SRD5A2: variants seen among roughly 807,000 people sequenced by gnomAD.
SRD5A2 encodes steroid 5 alpha-reductase 2.
A neutral mutation model predicts 27.4 loss-of-function variants in SRD5A2; 30 were observed. The ratio of observed to expected loss-of-function variants is 1.10; its 90% confidence interval spans 0.82 to 1.49. The LOEUF is 1.49. Ranked by LOEUF, SRD5A2 falls within the 40% of genes most tolerant of loss-of-function variation. The pLI, the probability that SRD5A2 is intolerant of heterozygous loss-of-function variation, is 0.00. For missense variants in SRD5A2, 348 were observed against 323.4 expected (o/e 1.08, Z -0.58); for synonymous variants, 141 against 133.6 (o/e 1.06, Z -0.38).
the SRD5A2 span, among the ~76,000 whole-genome samples, chr2:31,633,232 G>A: frequency 4.6e-5 from 7 of 152,244 alleles, no homozygotes; most frequent in East Asian, 7.7e-4. Context: ...TCCTCCCCTC[G>A]GGATGGCTAG....
chr2:31,635,256 G>A, the SRD5A2 span, among the ~76,000 whole-genome samples: 2 of 151,928 alleles, frequency 1.3e-5, no homozygotes, highest in South Asian at 2.1e-4. Context: ...ATGACTTAAC[G>A]TCACATTGTG....
intron 1 of SRD5A2, among the ~76,000 whole-genome samples, chr2:31,551,319 A>T (rs868204048): frequency 4.2e-4 from 64 of 152,268 alleles, no homozygotes; most frequent in African/African-American, 1.4e-3. Flanking sequence ...AGAAATTTTT[A>T]AAAAATATAG....
At chr2:31,548,943 G>C (rs571682904) in intron 1 of SRD5A2, among the ~76,000 whole-genome samples, 4 of 151,910 alleles carry the variant, frequency 2.6e-5, no homozygotes, top group Non-Finnish European at 5.9e-5. Flanking sequence ...TGAACCCTGA[G>C]AGCAATGTGC....
the SRD5A2 span, among the ~76,000 whole-genome samples, chr2:31,611,188 C>T: frequency 2.0e-5 from 3 of 152,172 alleles, no homozygotes; most frequent in African/African-American, 7.2e-5. Flanking sequence ...ATGATTTTAG[C>T]CCCCAGCCTT....
chr2:31,526,146 C>G lies in SRD5A2; in HGVS notation c.*50G>C, dbSNP rs780074742. On this transcript the variant is annotated 3_prime_UTR_variant, in exon 5 of 5. Coordinates refer to ENST00000622030, the MANE Select transcript of SRD5A2 (RefSeq NM_000348.4). ...GAAAATTACAGTTTCAGCAGCTTGA[C>G]AGTTTTCATCAGCATTGTGGGAGCT... is the stretch of plus-strand genomic sequence containing the variant. The G allele has an allele frequency of 4.3e-6, 5 of 1,170,924 alleles. 1 individual carries two copies. In the African/African-American group the frequency reaches 8.4e-5, roughly 20 times the overall value. The allele number at this position is 1,170,924 out of a possible 1,614,324, so 72.5% of individuals were successfully genotyped here.
chr2:31,568,551 T>C (rs765769783), intron 1 of SRD5A2, among the ~76,000 whole-genome samples: 1 of 152,062 alleles, frequency 6.6e-6, no homozygotes, highest in African/African-American at 2.4e-5. Flanking sequence ...TGGGCCACCA[T>C]GAGCAGGTTC....
the SRD5A2 span, among the ~76,000 whole-genome samples, chr2:31,616,412 G>T: frequency 2.0e-5 from 3 of 152,216 alleles, no homozygotes; most frequent in Non-Finnish European, 4.4e-5. Context: ...AAAGCAGCCA[G>T]GAGGAGAGGT....
the SRD5A2 span, among the ~76,000 whole-genome samples, chr2:31,597,735 A>G: frequency 1.3e-5 from 2 of 152,210 alleles, no homozygotes; most frequent in East Asian, 3.8e-4. Flanking sequence ...GGAAATGCAA[A>G]TCAAAACCAC....
chr2:31,611,443 A>G, the SRD5A2 span, among the ~76,000 whole-genome samples: 1 of 152,202 alleles, frequency 6.6e-6, no homozygotes, highest in Non-Finnish European at 1.5e-5. Context: ...TACAATACAA[A>G]TATCTTACAA....
chr2:31,578,816 A>T (rs1667012836), intron 1 of SRD5A2, among the ~76,000 whole-genome samples: 1 of 152,166 alleles, frequency 6.6e-6, no homozygotes, highest in South Asian at 2.1e-4. Context: ...GTCATAATGT[A>T]TTGTGCAAAG....
At chr2:31,530,469 T>C (rs1455594930) in intron 3 of SRD5A2, among the ~76,000 whole-genome samples, 1 of 152,226 alleles carries the variant, frequency 6.6e-6, no homozygotes, top group Non-Finnish European at 1.5e-5. Flanking sequence ...AAATTTTCTA[T>C]GAAGACAGTA....
At chr2:31,629,548 T>G in the SRD5A2 span, among the ~76,000 whole-genome samples, 2 of 152,258 alleles carry the variant, frequency 1.3e-5, no homozygotes, top group African/African-American at 4.8e-5. Flanking sequence ...TGAGGCTATC[T>G]GGGAAAGGGC....
the SRD5A2 span, among the ~76,000 whole-genome samples, chr2:31,614,005 G>C: frequency 2.0e-5 from 3 of 152,258 alleles, no homozygotes; most frequent in East Asian, 5.8e-4. Flanking sequence ...ATAAGATTTG[G>C]GTGGGAACAC....
the SRD5A2 span, among the ~76,000 whole-genome samples, chr2:31,588,313 G>A: frequency 0.27 from 146 of 534 alleles, no homozygotes; most frequent in African/African-American, 0.4. Flanking sequence ...CTACCTCAAG[G>A]CATTTAAATA....
chr2:31,660,830 A>T, the SRD5A2 span, among the ~76,000 whole-genome samples: 150 of 152,212 alleles, frequency 9.9e-4, 1 homozygote, highest in Non-Finnish European at 1.7e-3. Context: ...AACAAAATAG[A>T]GTCCCATGCT....
the SRD5A2 span, among the ~76,000 whole-genome samples, chr2:31,626,708 A>G: frequency 6.6e-6 from 1 of 152,160 alleles, no homozygotes; most frequent in Non-Finnish European, 1.5e-5. Context: ...GATGAAGCCA[A>G]CTTGATCGTG....
chr2:31,573,472 T>C (rs1320562188), intron 1 of SRD5A2, among the ~76,000 whole-genome samples: 4 of 152,176 alleles, frequency 2.6e-5, no homozygotes, highest in Admixed American at 6.5e-5. Context: ...TTGCCATACA[T>C]GGCAGGGAGT....
chr2:31,564,066 G>T (rs954873167), intron 1 of SRD5A2, among the ~76,000 whole-genome samples: 2 of 152,032 alleles, frequency 1.3e-5, no homozygotes, highest in Non-Finnish European at 2.9e-5. Flanking sequence ...ATGCAAAAAG[G>T]GAGGAAAACA....
At chr2:31,642,341 T>C in the SRD5A2 span, among the ~76,000 whole-genome samples, 12 of 152,192 alleles carry the variant, frequency 7.9e-5, no homozygotes, top group East Asian at 2.3e-3. Flanking sequence ...GACCAAGTAC[T>C]TTTTGACCAA....
Sources: gnomAD v4.1 joint callset for allele counts (sites outside exome capture counted in the v4.1 genomes callset) on GRCh38, gnomAD v4.1.1 for gene constraint, MANE v1.5 for transcripts, NCBI Gene and HGNC (gene_info 2026-07-23, HGNC 2026-07-21) for gene names.